Variants in SLC22A16 observed in about 807,000 individuals in gnomAD.
SLC22A16 encodes the protein solute carrier family 22 member 16.
SLC22A16 carries 53 observed loss-of-function variants against 52.9 expected under a neutral mutation model. The observed-to-expected ratio is 1.00, with a 90% CI of 0.80 to 1.26. SLC22A16 has a LOEUF of 1.26. SLC22A16 is among the 50% of genes most tolerant of loss of function. The pLI, the probability that SLC22A16 is intolerant of heterozygous loss-of-function variation, is 0.00. For synonymous variants in SLC22A16, 291 were observed against 268.8 expected, an observed-to-expected ratio of 1.08 and a Z score of -0.81; for missense variants, 726 against 704.0, an observed-to-expected ratio of 1.03 and a Z score of -0.35.
At chr6:110,460,221 T>G (rs1775817216) in intron 1 of SLC22A16, among the ~76,000 whole-genome samples, 1 of 152,168 alleles carries the variant, frequency 6.6e-6, no homozygotes, top group African/African-American at 2.4e-5. Flanking sequence ...ATCCCTCAGC[T>G]CAGCAGTTCT....
At chr6:110,460,903 A>G (rs1775856633) in intron 1 of SLC22A16, among the ~76,000 whole-genome samples, 1 of 152,210 alleles carries the variant, frequency 6.6e-6, no homozygotes, top group Non-Finnish European at 1.5e-5. Context: ...TCCTTGGGAC[A>G]AAGGAAATGC....
At chr6:110,455,565 T>C (rs1464987990) in intron 2 of SLC22A16, 1 of 152,210 alleles carries the variant, frequency 6.6e-6, no homozygotes, top group Admixed American at 6.5e-5. Flanking sequence ...AATAAGTTCA[T>C]CTCTGTGCTT....
At chr6:110,427,076 A>G (rs1292907578) in intron 7 of SLC22A16, among the ~76,000 whole-genome samples, 1 of 150,102 alleles carries the variant, frequency 6.7e-6, no homozygotes, top group Non-Finnish European at 1.5e-5. Flanking sequence ...ATATGGTGAA[A>G]TTCTCTATGA....
chr6:110,438,018 C>A (rs1296873615), intron 5 of SLC22A16, among the ~76,000 whole-genome samples: 1 of 152,172 alleles, frequency 6.6e-6, no homozygotes, highest in African/African-American at 2.4e-5. Flanking sequence ...GGCTGCCTCC[C>A]TCATTCAGGT....
chr6:110,457,659 T>C (rs574255276), intron 1 of SLC22A16, among the ~76,000 whole-genome samples: 1 of 152,238 alleles, frequency 6.6e-6, no homozygotes, highest in Non-Finnish European at 1.5e-5. Context: ...AACCATAACC[T>C]AAGAAAAACC....
rs140212592 is a variant in SLC22A16, at chr6:110,442,360, G to C, written c.1067C>G (p.Thr356Arg). ...TAGCCAAACGGTAAGTGTCCTTTTC[G>C]TAATGCTCCAGTTATAAAACAGATA... ...LSYLFYNWSI[T>R]KRTLTVWLIW... is the part of the protein sequence containing the mutation. Residue 356 changes from threonine to arginine, a missense_variant, in exon 4 of 8, where the codon ACG (threonine) becomes AGG (arginine). Thr to Arg is a moderately conservative substitution (Grantham distance 71, BLOSUM62 -1). Coordinates refer to ENST00000368919, the MANE Select transcript of SLC22A16 (RefSeq NM_033125.4). The C allele has an allele frequency of 6.2e-6, 10 of 1,614,030 alleles. No homozygotes were observed. The African/African-American group carries it at 1.1e-4, about 17-fold the overall frequency.
At chr6:110,425,249 T>TCGA in intron 7 of SLC22A16, 164 bp from the exon 8 acceptor site, 1 of 1,517,942 alleles carries the variant, frequency 6.6e-7, no homozygotes, top group East Asian at 2.5e-5. Flanking sequence ...GTGCTGGACT[T>TCGA]CGAGTTCTTT....
At chr6:110,463,514 T>TAAAAAAAAAAA (rs386408237) in intron 1 of SLC22A16, among the ~76,000 whole-genome samples, 51 of 53,236 alleles carry the variant, frequency 9.6e-4, no homozygotes, top group African/African-American at 2.4e-3. Context: ...GTAACAACAG[T>TAAAAAAAAAAA]AAAAAAAAAA....
intron 1 of SLC22A16, among the ~76,000 whole-genome samples, chr6:110,470,705 C>T (rs1387989359): frequency 6.6e-6 from 1 of 152,112 alleles, no homozygotes; most frequent in South Asian, 2.1e-4. Flanking sequence ...CACACATACA[C>T]CAACACAGCA....
chr6:110,427,831 G>A (rs1774329554), intron 7 of SLC22A16, among the ~76,000 whole-genome samples: 2 of 152,166 alleles, frequency 1.3e-5, no homozygotes, highest in African/African-American at 4.8e-5. Flanking sequence ...CATTACTGCT[G>A]TTGTATCTTT....
chr6:110,466,034 G>A (rs763948437), intron 1 of SLC22A16, among the ~76,000 whole-genome samples: 31 of 152,070 alleles, frequency 2.0e-4, no homozygotes, highest in Admixed American at 1.4e-3. Flanking sequence ...TAAACAATGG[G>A]AAAAGGACTC....
rs1775025721 is a variant in SLC22A16 at position 110,442,722 on chromosome 6, GC to G, written c.704del (p.Gly235AlafsTer2). On this transcript the variant is annotated frameshift_variant, in exon 4 of 8. Coordinates refer to ENST00000368919, the MANE Select transcript of SLC22A16 (RefSeq NM_033125.4). LOFTEE classifies it high-confidence loss of function. Reference sequence around the variant, plus strand: ...CAGACGCCCATGTCCGAGACTTCATGCCAATGAATTCCATCACATAGACAAA... The same window carrying G: ...CAGACGCCCATGTCCGAGACTTCATGCAATGAATTCCATCACATAGACAAA... Reference protein sequence around the residue: ...VGFVYVMEFIGMKSRTWASVH... With the variant: ...VGFVYVMEFIXMKSRTWASVH... The G allele has an allele frequency of 6.2e-7, 1 of 1,614,128 alleles. No individual in the cohort carries two copies. Among genetic ancestry groups the G allele is most frequent in the Non-Finnish European group, 8.5e-7 (1 of 1,180,020 alleles).
chr6:110,425,512 C>T (rs1234328897), intron 7 of SLC22A16: 7 of 703,588 alleles, frequency 9.9e-6, no homozygotes, highest in Non-Finnish European at 1.5e-5. Flanking sequence ...CCTGTCCCTG[C>T]CCCAATAATC....
chr6:110,432,164 T>A (rs1282501900), intron 6 of SLC22A16, among the ~76,000 whole-genome samples: 1 of 152,190 alleles, frequency 6.6e-6, no homozygotes, highest in Non-Finnish European at 1.5e-5. Context: ...CACACATTTA[T>A]AAAGAACTGA....
At chr6:110,442,111 C>T (rs756349018) in intron 4 of SLC22A16, 133 bp downstream of exon 4, 3 of 771,876 alleles carry the variant, frequency 3.9e-6, no homozygotes, top group Non-Finnish European at 6.1e-6. Context: ...ATATGGTTGG[C>T]AGTATTGTTC....
intron 6 of SLC22A16, among the ~76,000 whole-genome samples, chr6:110,435,249 A>G (rs1774676796): frequency 6.6e-6 from 1 of 152,168 alleles, no homozygotes; most frequent in Admixed American, 6.5e-5. Context: ...AGAGGTGATT[A>G]AGTTAAAATG....
intron 4 of SLC22A16, among the ~76,000 whole-genome samples, chr6:110,439,353 C>T (rs561900964): frequency 6.6e-6 from 1 of 152,310 alleles, no homozygotes; most frequent in Admixed American, 6.5e-5. Flanking sequence ...AAACTTCTAG[C>T]CTTCCTAAGC....
At chr6:110,464,680 C>T (rs78870594) in intron 1 of SLC22A16, among the ~76,000 whole-genome samples, 3,419 of 151,964 alleles carry the variant, frequency 0.022, 95 homozygotes, top group East Asian at 0.15. Context: ...GAACCCAGGA[C>T]CAGACGGATT....
intron 1 of SLC22A16, chr6:110,474,998 C>T: frequency 1.9e-6 from 1 of 518,892 alleles, no homozygotes; most frequent in Non-Finnish European, 3.8e-6. Flanking sequence ...TTCACTACTC[C>T]TATTTGAAAA....
Sources: allele counts gnomAD v4.1 joint callset (sites outside exome capture counted in the v4.1 genomes callset), GRCh38; gene constraint gnomAD v4.1.1; transcripts MANE v1.5; gene names NCBI Gene and HGNC (gene_info 2026-07-23, HGNC 2026-07-21).